The following PDE3A variants were observed in gnomAD, a reference collection of about 807,000 sequenced individuals.
PDE3A encodes cGMP-inhibited 3',5'-cyclic phosphodiesterase 3A.
A neutral mutation model predicts 98.3 loss-of-function variants in PDE3A; 43 were observed. The ratio of observed to expected loss-of-function variants is 0.44; its 90% CI spans 0.34 to 0.56. The LOEUF is 0.56. Ranked by LOEUF, PDE3A falls within the 20% of genes least tolerant of loss-of-function variation. PDE3A has a pLI of 0.01. For synonymous variants in PDE3A, 663 were observed against 567.9 expected, an observed-to-expected ratio of 1.17 and a Z score of -2.38; for missense variants, 1,427 against 1,440.7, an observed-to-expected ratio of 0.99 and a Z score of 0.15.
intron 15 of PDE3A, among the ~76,000 whole-genome samples, chr12:20,667,527 G>C (rs1485238224): frequency 2.0e-5 from 3 of 152,118 alleles, no homozygotes; most frequent in Non-Finnish European, 4.4e-5. Flanking sequence ...TATTAAAAAA[G>C]ATGTCCTTTC....
In PDE3A at chr12:20,382,015, C is replaced by T. The variant is rs16922851; in HGVS notation, c.960+11771C>T. ...GCTTTTGAAGTCTGTGAGGACATTG[C>T]TTAATTTCACCTACATATAATTACA... On this transcript the variant is annotated intron_variant, in intron 1 of 15. Transcript: ENST00000359062. Among the ~76,000 whole-genome samples, 678 of 151,958 alleles carry T rather than the reference C, an allele frequency of 4.5e-3. 28 individuals are homozygous for T. In the East Asian group the frequency reaches 0.097, roughly 22 times the overall value.
chr12:20,448,395 C>T (rs1944998139), intron 1 of PDE3A, among the ~76,000 whole-genome samples: 1 of 152,026 alleles, frequency 6.6e-6, no homozygotes, highest in Non-Finnish European at 1.5e-5. Flanking sequence ...GAGCCGAGGT[C>T]GCGTCAATGC....
At chr12:20,661,755 C>T (rs190171685) in intron 15 of PDE3A, among the ~76,000 whole-genome samples, 36 of 152,204 alleles carry the variant, frequency 2.4e-4, no homozygotes, top group East Asian at 2.3e-3. Flanking sequence ...AGAGGGTGTA[C>T]GGAAATGCTT....
At chr12:20,602,052 A>G (rs1418473736) in intron 2 of PDE3A, among the ~76,000 whole-genome samples, 1 of 152,150 alleles carries the variant, frequency 6.6e-6, no homozygotes, top group Non-Finnish European at 1.5e-5. Context: ...TCTTTCTCAT[A>G]TCAGAGAAGT....
intron 14 of PDE3A, among the ~76,000 whole-genome samples, chr12:20,652,213 G>A (rs1434034996): frequency 2.6e-5 from 4 of 152,130 alleles, no homozygotes; most frequent in Non-Finnish European, 5.9e-5. Context: ...ATTGTGAATA[G>A]TGCCTCAATA....
chr12:20,422,143 G>T (rs375941509), intron 1 of PDE3A, among the ~76,000 whole-genome samples: 1 of 152,088 alleles, frequency 6.6e-6, no homozygotes, highest in African/African-American at 2.4e-5. Context: ...TCAGGAGATC[G>T]AGACCATCCT....
chr12:20,641,931 T>C (rs191080298), intron 10 of PDE3A, among the ~76,000 whole-genome samples: 181 of 152,246 alleles, frequency 1.2e-3, no homozygotes, highest in African/African-American at 4.3e-3. Context: ...TCATTTGTGA[T>C]CACTTTTATC....
At chr12:20,428,905 C>T (rs1029763032) in intron 1 of PDE3A, among the ~76,000 whole-genome samples, 8 of 152,152 alleles carry the variant, frequency 5.3e-5, no homozygotes, top group Non-Finnish European at 1.2e-4. Context: ...TGACAAGATC[C>T]ATCAAAAACT....
At chr12:20,449,975 C>T (rs768002167) in intron 1 of PDE3A, 29 of 727,390 alleles carry the variant, frequency 4.0e-5, no homozygotes, top group East Asian at 1.9e-4. Flanking sequence ...TTGTCAGGAA[C>T]AATAAGCCCT....
chr12:20,637,362 C>A, intron 9 of PDE3A, 125 bp downstream of exon 9: 1 of 602,836 alleles, frequency 1.7e-6, no homozygotes, highest in Admixed American at 3.7e-5. Flanking sequence ...TTTTAGAACA[C>A]AACATTCTGT....
At chr12:20,526,766 G>A (rs1459909171) in intron 1 of PDE3A, among the ~76,000 whole-genome samples, 1 of 151,180 alleles carries the variant, frequency 6.6e-6, no homozygotes, top group Non-Finnish European at 1.5e-5. Flanking sequence ...GTCAATATGA[G>A]TTTTGTATTG....
intron 1 of PDE3A, among the ~76,000 whole-genome samples, chr12:20,478,063 T>A (rs1436938792): frequency 6.6e-6 from 1 of 152,220 alleles, no homozygotes; most frequent in Non-Finnish European, 1.5e-5. Flanking sequence ...TGCAGGAGGC[T>A]CATATTCTTC....
chr12:20,612,517 G>A (rs539743584), intron 2 of PDE3A, among the ~76,000 whole-genome samples: 80 of 145,724 alleles, frequency 5.5e-4, no homozygotes, highest in Admixed American at 2.4e-3. Context: ...ATAATTTCAA[G>A]ATTATAAAAT....
At chr12:20,379,185 G>A (rs1050353726) in intron 1 of PDE3A, among the ~76,000 whole-genome samples, 1 of 151,798 alleles carries the variant, frequency 6.6e-6, no homozygotes, top group Non-Finnish European at 1.5e-5. Flanking sequence ...GTTTAATTCT[G>A]TGGCAACAGT....
chr12:20,570,438 A>AAAAAAAG (rs869268302), intron 2 of PDE3A, among the ~76,000 whole-genome samples: 1 of 138,506 alleles, frequency 7.2e-6, no homozygotes, highest in African/African-American at 2.6e-5. Flanking sequence ...AAAAAAAAAA[A>AAAAAAAG]GGTGTAAAGG....
At chr12:20,432,489 A>G (rs1944714049) in intron 1 of PDE3A, among the ~76,000 whole-genome samples, 1 of 152,090 alleles carries the variant, frequency 6.6e-6, no homozygotes, top group South Asian at 2.1e-4. Flanking sequence ...AAACTTCTGG[A>G]GGTGATGGAT....
chr12:20,662,914 A>G (rs1437635260), intron 15 of PDE3A, among the ~76,000 whole-genome samples: 1 of 152,198 alleles, frequency 6.6e-6, no homozygotes, highest in Admixed American at 6.5e-5. Context: ...CAGAGACCTT[A>G]GTGGCAGTCC....
intron 13 of PDE3A, 27 bp from the exon 14 acceptor site, chr12:20,650,418 C>A (rs1555106434): frequency 2.6e-6 from 4 of 1,525,374 alleles, no homozygotes; most frequent in South Asian, 1.2e-5. Flanking sequence ...CAAAGCAAAA[C>A]ATATATTAAC....
At chr12:20,461,817 G>T (rs1945256811) in intron 1 of PDE3A, among the ~76,000 whole-genome samples, 1 of 152,168 alleles carries the variant, frequency 6.6e-6, no homozygotes, top group Non-Finnish European at 1.5e-5. Flanking sequence ...CAGTAAAAAT[G>T]TCAAAGTATA....
Sources: allele counts gnomAD v4.1 joint callset (sites outside exome capture counted in the v4.1 genomes callset), GRCh38; gene constraint gnomAD v4.1.1; transcripts MANE v1.5; gene names NCBI Gene and HGNC (gene_info 2026-07-23, HGNC 2026-07-21).